ERC1: variants seen among roughly 807,000 people sequenced by gnomAD.
ERC1 encodes RAB6 interacting protein 2.
ERC1 carries 56 observed loss-of-function variants against 132.0 expected under a neutral mutation model. That is an observed-to-expected ratio of 0.42 (90% CI 0.34 to 0.53). ERC1 has a LOEUF of 0.53. Among genes scored for constraint, ERC1 ranks in the 20% least tolerant of loss-of-function variants. The probability of loss-of-function intolerance (pLI) is 0.03; values close to 1 mark genes in which losing one functional copy is unlikely to be tolerated. For synonymous variants in ERC1, 478 were observed against 476.1 expected (o/e 1.00, Z -0.05); for missense variants, 1,202 against 1,349.9 (o/e 0.89, Z 1.72).
At chr12:1,095,397 C>CAA (rs59513840) in intron 3 of ERC1, among the ~76,000 whole-genome samples, 102,685 of 132,810 alleles carry the variant, frequency 0.77, 41,561 homozygotes, top group East Asian at 0.92. Context: ...GCCACTGCAC[C>CAA]AAAAAAAAAA....
chr12:1,294,119 ACT>A (rs962333974), intron 15 of ERC1, among the ~76,000 whole-genome samples: 13 of 152,062 alleles, frequency 8.5e-5, no homozygotes, highest in East Asian at 3.9e-4. Context: ...GTTTTGCTTA[ACT>A]CTCTCATTCT....
At position 1,182,082 on chromosome 12, in the gene ERC1, T is replaced by G. The variant is rs371275477; in HGVS notation, c.2016+17T>G. 2.9e-4 allele frequency: 473 copies of G among 1,610,826 alleles called. No homozygotes were observed. The highest frequency in any genetic ancestry group is 3.5e-4 in the Non-Finnish European group (411 of 1,178,334). On this transcript the variant is annotated intron_variant, in intron 10 of 18. Transcript: ENST00000360905. ...GAGAAAGAGGTTAAGCTCCCCAAAA[T>G]GGAATTAGTTTGTTTGCTTAATCAT...
intron 15 of ERC1, among the ~76,000 whole-genome samples, chr12:1,333,459 A>G (rs144879528): frequency 0.035 from 5,265 of 150,386 alleles, 112 homozygotes; most frequent in African/African-American, 0.046. Context: ...CAGCCTCCCG[A>G]GTAGCTCAGA....
At position 1,134,822 on chromosome 12, in the gene ERC1, G is replaced by A. The variant is rs182880845; in HGVS notation, c.1570-6798G>A. Among the ~76,000 whole-genome samples, 47 of 150,626 alleles carry A rather than the reference G, an allele frequency of 3.1e-4. No individual in the cohort carries two copies. In the East Asian group the frequency reaches 7.4e-3, roughly 24 times the overall value. ...CAGCTCACTGCAACCTCCGCCTCCCGGGTTCAAGTGATTCTCCTGCCTCAG... is the reference window on the plus strand; with the variant it reads ...CAGCTCACTGCAACCTCCGCCTCCCAGGTTCAAGTGATTCTCCTGCCTCAG... On this transcript the variant is annotated intron_variant, in intron 7 of 18. Transcript: ENST00000360905.
chr12:1,096,003 G>A (rs944278739), intron 3 of ERC1, among the ~76,000 whole-genome samples: 10 of 149,286 alleles, frequency 6.7e-5, no homozygotes, highest in African/African-American at 1.5e-4. Context: ...TTGGCTCATT[G>A]CGGCCTCCAC....
chr12:1,071,663 A>C lies in ERC1; in HGVS notation c.670-11501A>C, dbSNP rs7301477. 7.2e-3 allele frequency among the ~76,000 whole-genome samples: 1,100 copies of C among 151,746 alleles called. 13 individuals carry two copies. The highest frequency in any genetic ancestry group is 0.026 in the African/African-American group (1,056 of 41,382). On this transcript the variant is annotated intron_variant, in intron 2 of 18. Coordinates refer to ENST00000360905, the MANE Select transcript of ERC1 (RefSeq NM_178040.4). ...TTATAGTGGTCTCTTTCTTTTTAAA[A>C]TTTTTCCTCATCACTCTTTCCATAT... is the stretch of plus-strand genomic sequence containing the variant.
intron 12 of ERC1, among the ~76,000 whole-genome samples, chr12:1,201,560 T>C (rs778463251): frequency 6.6e-6 from 1 of 152,226 alleles, no homozygotes; most frequent in Non-Finnish European, 1.5e-5. Context: ...AAACGGTTTC[T>C]TTTGGACCAT....
intron 7 of ERC1, among the ~76,000 whole-genome samples, chr12:1,117,005 G>C (rs1946529121): frequency 6.6e-6 from 1 of 152,318 alleles, no homozygotes; most frequent in Admixed American, 6.5e-5. Flanking sequence ...AATAATCCCA[G>C]ATCGATTCTT....
intron 7 of ERC1, among the ~76,000 whole-genome samples, chr12:1,119,654 G>A (rs980705049): frequency 6.6e-5 from 10 of 151,644 alleles, no homozygotes; most frequent in African/African-American, 1.9e-4. Context: ...GGGTTCAAGC[G>A]ATTCTCCTGC....
chr12:1,069,303 G>A (rs752564140), intron 2 of ERC1, among the ~76,000 whole-genome samples: 99 of 152,262 alleles, frequency 6.5e-4, no homozygotes, highest in Non-Finnish European at 1.4e-3. Flanking sequence ...CATCTGCATG[G>A]TGTACTTAGC....
At chr12:1,255,287 A>G (rs952806212) in intron 13 of ERC1, among the ~76,000 whole-genome samples, 1 of 152,082 alleles carries the variant, frequency 6.6e-6, no homozygotes, top group African/African-American at 2.4e-5. Flanking sequence ...ATCCTTCTTT[A>G]TGGCTGCATA....
At chr12:1,112,621 C>G (rs1433314504) in intron 6 of ERC1, among the ~76,000 whole-genome samples, 2 of 152,184 alleles carry the variant, frequency 1.3e-5, no homozygotes, top group African/African-American at 4.8e-5. Flanking sequence ...GAATGGCGGC[C>G]TTCTTTTCTT....
intron 2 of ERC1, among the ~76,000 whole-genome samples, chr12:1,047,096 AATGTCCTACTTATTG>A (rs1055078264): frequency 1.1e-4 from 16 of 152,130 alleles, no homozygotes; most frequent in Non-Finnish European, 1.9e-4. Context: ...TGTTGATTGA[AATGTCCTACTTATTG>A]ATGTCCTACT....
At chr12:1,179,107 C>T (rs1031975150) in intron 8 of ERC1, among the ~76,000 whole-genome samples, 2 of 152,222 alleles carry the variant, frequency 1.3e-5, no homozygotes, top group Admixed American at 6.5e-5. Context: ...TCTCCTTGTA[C>T]TTGAGTGATA....
At chr12:1,202,009 A>G (rs565400415) in intron 12 of ERC1, among the ~76,000 whole-genome samples, 1 of 152,242 alleles carries the variant, frequency 6.6e-6, no homozygotes, top group African/African-American at 2.4e-5. Flanking sequence ...AAATGAAAAA[A>G]CTGAAAAGGA....
At chr12:1,045,837 G>A (rs528139492) in intron 2 of ERC1, among the ~76,000 whole-genome samples, 19 of 152,248 alleles carry the variant, frequency 1.2e-4, no homozygotes, top group Admixed American at 4.6e-4. Context: ...AAGAATAGGT[G>A]TATCATAGGA....
rs1350850216 is a variant in ERC1 at position 1,196,828 on chromosome 12, CTCTG to C, written c.2351+6784_2351+6787del. ...TATTTCTCTCTCTCTCTCTCTCTCT[CTCTG>C]TCTGTCTCTCTGTCTGTCTCTCTCT... is the stretch of plus-strand genomic sequence containing the variant. On this transcript the variant is annotated intron_variant, in intron 12 of 18. Coordinates refer to ENST00000360905, the MANE Select transcript of ERC1 (RefSeq NM_178040.4). Among the ~76,000 whole-genome samples, 46 of 117,824 alleles carry C rather than the reference CTCTG, an allele frequency of 3.9e-4. 1 individual carries two copies. Among genetic ancestry groups the C allele is most frequent in the African/African-American group, 1.2e-3 (29 of 24,602 alleles). The allele number at this position is 117,824 out of a possible 152,430, so 77.3% of individuals were successfully genotyped here.
At chr12:1,345,438 C>G (rs1595135113) in intron 15 of ERC1, among the ~76,000 whole-genome samples, 1 of 152,138 alleles carries the variant, frequency 6.6e-6, no homozygotes, top group Non-Finnish European at 1.5e-5. Flanking sequence ...CCGCCTCGGC[C>G]TCCCAAAGTG....
intron 14 of ERC1, among the ~76,000 whole-genome samples, chr12:1,276,993 G>T (rs906188470): frequency 9.9e-5 from 15 of 152,222 alleles, no homozygotes; most frequent in Admixed American, 8.5e-4. Context: ...TAGATTTAAA[G>T]AATTAGAATA....
Sources: allele counts gnomAD v4.1 joint callset (sites outside exome capture counted in the v4.1 genomes callset), GRCh38; gene constraint gnomAD v4.1.1; transcripts MANE v1.5; gene names NCBI Gene and HGNC (gene_info 2026-07-23, HGNC 2026-07-21).